Variants in KDM5A observed in about 807,000 individuals in gnomAD.
KDM5A encodes lysine demethylase 5A.
A neutral mutation model predicts 193.5 loss-of-function variants in KDM5A; 42 were observed. The observed-to-expected ratio is 0.22, with a 90% CI of 0.17 to 0.28. The LOEUF is 0.28. Ranked by LOEUF, KDM5A falls within the 10% of genes least tolerant of loss-of-function variation. The pLI, the probability that KDM5A is intolerant of heterozygous loss-of-function variation, is 1.00. For synonymous variants in KDM5A, 796 were observed against 718.1 expected, an observed-to-expected ratio of 1.11 and a Z score of -1.73; for missense variants, 1,692 against 2,055.1, an observed-to-expected ratio of 0.82 and a Z score of 3.42.
chr12:336,092 C>A (rs2369104), intron 10 of KDM5A, among the ~76,000 whole-genome samples: 76 of 148,206 alleles, frequency 5.1e-4, no homozygotes, highest in African/African-American at 1.8e-3. Context: ...GGCATGGTGG[C>A]TCATGCCTGT....
intron 26 of KDM5A, 23 bp downstream of exon 26, chr12:295,550 T>C: frequency 6.2e-7 from 1 of 1,605,612 alleles, no homozygotes; most frequent in Non-Finnish European, 8.5e-7. Context: ...TAACCACTGT[T>C]TAAATAAGTA....
chr12:285,266 CATAGATATGTTG>C lies in KDM5A; in HGVS notation c.*178_*189del, dbSNP rs1943205718. On this transcript the variant is annotated 3_prime_UTR_variant, in exon 28 of 28. Coordinates refer to ENST00000399788, the MANE Select transcript of KDM5A (RefSeq NM_001042603.3). The stretch of plus-strand genomic sequence containing the variant: ...GTTGTACCAAAGAAGACACCCTCTG[CATAGATATGTTG>C]ATAGAGAATGTAACCCACAGAGTCC... The C allele has an allele frequency of 1.6e-6, 1 of 611,822 alleles. No homozygotes were observed. The highest frequency in any genetic ancestry group is 2.9e-6 in the Non-Finnish European group (1 of 342,862). The allele number at this position is 611,822 out of a possible 1,614,324, so 37.9% of individuals were successfully genotyped here. A position where few individuals can be genotyped will look rare whatever the true frequency, so the allele number is the denominator to read the frequency against.
chr12:364,561 G>C (rs1944330532), intron 4 of KDM5A, among the ~76,000 whole-genome samples: 1 of 151,724 alleles, frequency 6.6e-6, no homozygotes, highest in Non-Finnish European at 1.5e-5. Context: ...CGAGGTGAGT[G>C]GATCACGAGG....
chr12:384,907 C>T (rs1944621174), intron 2 of KDM5A, among the ~76,000 whole-genome samples: 2 of 152,186 alleles, frequency 1.3e-5, no homozygotes, highest in Middle Eastern at 3.4e-3. Context: ...ATATGCATTG[C>T]GGCCAGGCGC....
intron 5 of KDM5A, among the ~76,000 whole-genome samples, chr12:361,584 A>C (rs1944295658): frequency 6.6e-6 from 1 of 152,124 alleles, no homozygotes; most frequent in Non-Finnish European, 1.5e-5. Flanking sequence ...AAATTTCATC[A>C]CAAGCTGGTG....
intron 22 of KDM5A, 129 bp downstream of exon 22, chr12:309,674 A>T: frequency 1.1e-6 from 1 of 934,714 alleles, no homozygotes; most frequent in Non-Finnish European, 1.7e-6. Flanking sequence ...TTAATGTGAA[A>T]TATGTATAAT....
rs750918968 is a variant in KDM5A at position 289,907 on chromosome 12, C to CTTTTTTTTTTTTTTTTTTTTT, written c.4866+2831_4866+2851dup. 7.2e-4 allele frequency among the ~76,000 whole-genome samples: 72 copies of CTTTTTTTTTTTTTTTTTTTTT among 99,632 alleles called. 1 individual carries two copies. The highest frequency in any genetic ancestry group is 2.2e-3 in the East Asian group (5 of 2,250). 65.4% of individuals were successfully genotyped at this position (99,632 alleles called of 152,430 possible). Reference sequence around the variant, plus strand: ...AAAAAGCATGATTTTTTCTTTCTTTCTTTTTTTTTTTTTTTTTTTTTTTAC... The same window carrying CTTTTTTTTTTTTTTTTTTTTT: ...AAAAAGCATGATTTTTTCTTTCTTTCTTTTTTTTTTTTTTTTTTTTTTTTTTTTTTTTTTTTTTTTTTTTAC... On this transcript the variant is annotated intron_variant, in intron 27 of 27. Transcript: ENST00000399788.
chr12:309,739 T>C, intron 22 of KDM5A, 64 bp downstream of exon 22: 3 of 1,533,650 alleles, frequency 2.0e-6, no homozygotes, highest in Non-Finnish European at 2.7e-6. Context: ...ACTGTGAGTC[T>C]GCTAATATCT....
Position 344,919 on chromosome 12 carries a change from T to C in KDM5A, c.1308+5702A>G, listed in dbSNP as rs182884006. ...AGGATCAAATTCACACATAGCAACA[T>C]TAACCTTAAATGTAAATGGGCTAAA... On this transcript the variant is annotated intron_variant, in intron 10 of 27. Coordinates refer to ENST00000399788, the MANE Select transcript of KDM5A (RefSeq NM_001042603.3). 2.9e-3 allele frequency among the ~76,000 whole-genome samples: 449 copies of C among 152,228 alleles called. 2 individuals carry two copies. Among genetic ancestry groups the C allele is most frequent in the African/African-American group, 0.01 (431 of 41,532 alleles).
chr12:350,878 G>C lies in KDM5A; in HGVS notation c.1150-99C>G, dbSNP rs146337423. 365 of 1,091,042 alleles carry C rather than the reference G, an allele frequency of 3.3e-4. 4 individuals are homozygous for C. The Middle Eastern group carries it at 7.0e-3, about 21-fold the overall frequency. The allele number at this position is 1,091,042 out of a possible 1,614,324, so 67.6% of individuals were successfully genotyped here. ...TCAAGTAAACACAAACCCATGATGAGATTAAAAATCTTCTGATTCCCTAGA... is the reference window on the plus strand; with the variant it reads ...TCAAGTAAACACAAACCCATGATGACATTAAAAATCTTCTGATTCCCTAGA... On this transcript the variant is annotated intron_variant, in intron 9 of 27. Transcript: ENST00000399788.
rs1171451814 is a variant in KDM5A at position 389,259 on chromosome 12, ATT to A, written c.-170_-169del. On this transcript the variant is annotated 5_prime_UTR_variant, in exon 1 of 28. Transcript: ENST00000399788. ...GAATCGCTTCCTCCTCCCGTTTGTT[ATT>A]GTTTCTTGCAAGGCTTTTCCACTGA... 2.7e-6 allele frequency: 2 copies of A among 753,194 alleles called. No individual in the cohort carries two copies. Among genetic ancestry groups the A allele is most frequent in the Non-Finnish European group, 4.7e-6 (2 of 427,572 alleles). The allele number at this position is 753,194 out of a possible 1,614,324, so 46.7% of individuals were successfully genotyped here. A position where few individuals can be genotyped will look rare whatever the true frequency, so the allele number is the denominator to read the frequency against.
At chr12:386,269 A>G (rs1944636185) in intron 1 of KDM5A, among the ~76,000 whole-genome samples, 1 of 152,238 alleles carries the variant, frequency 6.6e-6, no homozygotes, top group Non-Finnish European at 1.5e-5. Context: ...AACCAAGCCT[A>G]AATACAAAAT....
At chr12:369,542 C>T (rs1400293263) in intron 3 of KDM5A, among the ~76,000 whole-genome samples, 1 of 152,030 alleles carries the variant, frequency 6.6e-6, no homozygotes, top group Non-Finnish European at 1.5e-5. Context: ...CTCCAGGTAA[C>T]AGGGTAAAGA....
chr12:333,322 G>A (rs1399656374), intron 12 of KDM5A, 165 bp downstream of exon 12: 1 of 716,650 alleles, frequency 1.4e-6, no homozygotes, highest in Non-Finnish European at 2.4e-6. Flanking sequence ...ATTAGGCTGA[G>A]GCAGGAGAAC....
chr12:322,196 C>G (rs1419449764), intron 17 of KDM5A: 12 of 559,124 alleles, frequency 2.1e-5, no homozygotes, highest in Non-Finnish European at 3.8e-5. Flanking sequence ...CAAAAATGTG[C>G]CTGCTATGTA....
intron 24 of KDM5A, among the ~76,000 whole-genome samples, chr12:299,351 C>CA (rs1943412600): frequency 6.6e-6 from 1 of 152,142 alleles, no homozygotes; most frequent in Non-Finnish European, 1.5e-5. Flanking sequence ...GCGGATCTCT[C>CA]GCAGAAACTC....
At position 389,210 on chromosome 12, in the gene KDM5A, G is replaced by A. The variant is rs745588722; in HGVS notation, c.-119C>T. ...GGCCGAAGCGCATCTTCGCGGACAAGAACCGTTCAACACAGAAACCCCAGA... is the reference window on the plus strand; with the variant it reads ...GGCCGAAGCGCATCTTCGCGGACAAAAACCGTTCAACACAGAAACCCCAGA... On this transcript the variant is annotated 5_prime_UTR_variant, in exon 1 of 28. Coordinates refer to ENST00000399788, the MANE Select transcript of KDM5A (RefSeq NM_001042603.3). 1.0e-6 allele frequency: 1 copy of A among 973,982 alleles called. No individual in the cohort carries two copies. The highest frequency in any genetic ancestry group is 2.4e-5 in the East Asian group (1 of 41,694). The allele number at this position is 973,982 out of a possible 1,614,324, so 60.3% of individuals were successfully genotyped here.
chr12:353,629 G>A (rs1944190202), intron 8 of KDM5A, among the ~76,000 whole-genome samples: 1 of 152,012 alleles, frequency 6.6e-6, no homozygotes, highest in African/African-American at 2.4e-5. Context: ...GATATTTTAA[G>A]TCCTGGAAAT....
chr12:350,841 T>A, intron 9 of KDM5A, 62 bp from the exon 10 acceptor site: 1 of 1,414,216 alleles, frequency 7.1e-7, no homozygotes, highest in South Asian at 1.2e-5. Flanking sequence ...CCATATAACA[T>A]AATACACAGG....
Sources: allele counts gnomAD v4.1 joint callset (sites outside exome capture counted in the v4.1 genomes callset), GRCh38; gene constraint gnomAD v4.1.1; transcripts MANE v1.5; gene names NCBI Gene and HGNC (gene_info 2026-07-23, HGNC 2026-07-21).